Variants in MYH7 observed in about 807,000 individuals in gnomAD.
MYH7 encodes the protein myosin heavy chain 7, also known as myosin-7.
Under a neutral mutation model 225.4 loss-of-function variants are expected in MYH7, and 129 were observed. The ratio of observed to expected loss-of-function variants is 0.57; its 90% CI spans 0.50 to 0.66. MYH7 has a LOEUF of 0.66. MYH7 is among the 30% of genes least tolerant of loss of function. The pLI, the probability that MYH7 is intolerant of heterozygous loss-of-function variation, is 0.00. For synonymous variants in MYH7, 971 were observed against 1,007.6 expected, an observed-to-expected ratio of 0.96 and a Z score of 0.69; for missense variants, 1,649 against 2,517.0, an observed-to-expected ratio of 0.66 and a Z score of 7.38.
rs767360827 is a variant in MYH7, at chr14:23,426,125, C to T, written c.2045-44G>A. The T allele has an allele frequency of 2.5e-6, 4 of 1,607,376 alleles. No individual in the cohort carries two copies. In the Admixed American group the frequency reaches 6.7e-5, roughly 27 times the overall value. On this transcript the variant is annotated intron_variant, in intron 18 of 39. Coordinates refer to ENST00000355349, the MANE Select transcript of MYH7 (RefSeq NM_000257.4). ...AGGAGGAGTCTGTGAGAACACTGGA[C>T]TGAAGTTCTGGGTTCTGATCCTGGC...
rs747988097 is a variant in MYH7, at chr14:23,423,740, C to G, written c.2923-17G>C. The G allele has an allele frequency of 6.2e-7, 1 of 1,614,018 alleles. No homozygotes were observed. Among genetic ancestry groups the G allele is most frequent in the Non-Finnish European group, 8.5e-7 (1 of 1,180,028 alleles). On this transcript the variant is annotated splice_polypyrimidine_tract_variant and intron_variant, in intron 23 of 39. Coordinates refer to ENST00000355349, the MANE Select transcript of MYH7 (RefSeq NM_000257.4). ...GTTTTTCACCTGCCGACCAAGAATC[C>G]CATCTCCTTTAGGGTCAAAGGTCAC...
At chr14:23,430,853 C>A (rs377708111) in intron 10 of MYH7, 48 bp downstream of exon 10, 273 of 1,451,430 alleles carry the variant, frequency 1.9e-4, no homozygotes, top group Non-Finnish European at 2.5e-4. Flanking sequence ...GCAGAGGGGA[C>A]CAGGTTGCCA....
At chr14:23,431,378 G>A (rs1215094976) in intron 9 of MYH7, 40 bp downstream of exon 9, 4 of 1,596,268 alleles carry the variant, frequency 2.5e-6, no homozygotes, top group Non-Finnish European at 3.4e-6. Context: ...CTAGAGCAAG[G>A]GTGAGCTTAG....
chr14:23,419,348 C>T (rs1464454913), intron 28 of MYH7, 53 bp from the exon 29 acceptor site: 4 of 1,612,896 alleles, frequency 2.5e-6, no homozygotes, highest in Non-Finnish European at 3.4e-6. Flanking sequence ...ACCTCCTCCT[C>T]TAGCCCTCAG....
intron 9 of MYH7, 37 bp downstream of exon 9, chr14:23,431,381 G>A (rs1400217897): frequency 1.2e-6 from 2 of 1,601,692 alleles, no homozygotes; most frequent in South Asian, 2.2e-5. Flanking sequence ...GAGCAAGGGT[G>A]AGCTTAGGCT....
In MYH7 at chr14:23,415,336, G is replaced by A. The variant is rs369429415; in HGVS notation, c.5283+45C>T. The A allele has an allele frequency of 8.7e-6, 14 of 1,614,232 alleles. No individual in the cohort carries two copies. Among genetic ancestry groups the A allele is most frequent in the Admixed American group, 1.7e-5 (1 of 60,030 alleles). Reference sequence around the variant, plus strand: ...CTCACACACTTGCTGCCCAGCCCACGGAGAGACACTGGTCTGGATCGGGTC... The same window carrying A: ...CTCACACACTTGCTGCCCAGCCCACAGAGAGACACTGGTCTGGATCGGGTC... On this transcript the variant is annotated intron_variant, in intron 36 of 39. Transcript: ENST00000355349. The surrounding 1 kb of genome is among the most constrained non-coding windows in gnomAD (Gnocchi z 6.3).
intron 26 of MYH7, 106 bp downstream of exon 26, chr14:23,420,852 A>G (rs1892444304): frequency 3.5e-6 from 3 of 858,058 alleles, no homozygotes; most frequent in African/African-American, 1.6e-5. Flanking sequence ...CCATGGACAC[A>G]TAATCAGTTC....
chr14:23,430,047 C>T, intron 11 of MYH7, 134 bp from the exon 12 acceptor site: 1 of 1,054,060 alleles, frequency 9.5e-7, no homozygotes, highest in Admixed American at 2.0e-5. Context: ...CAGTGGGGAG[C>T]TCCAAAACAA....
Position 23,419,295 on chromosome 14 carries a change from C to T in MYH7, c.3854G>A (p.Gly1285Asp), listed in dbSNP as rs1432333290. ...SQRAKLQTEN[G>D]ELSRQLDEKE... ...CTCATCCAGCTGCCGGGACAGCTCA[C>T]CTGGGGAAGCACCATTCTAGATCAG... Residue 1285 changes from glycine to aspartate, a missense_variant and splice_region_variant, in exon 29 of 40, where the codon GGT becomes GAT. Gly to Asp is a moderately conservative substitution (Grantham distance 94). This residue lies in a region of MYH7 where 687 missense variants were observed against 913.8 expected (regional missense o/e 0.75). Coordinates refer to ENST00000355349, the MANE Select transcript of MYH7 (RefSeq NM_000257.4). 1.2e-6 allele frequency: 2 copies of T among 1,614,004 alleles called. No homozygotes were observed. Among genetic ancestry groups the T allele is most frequent in the Non-Finnish European group, 1.7e-6 (2 of 1,180,010 alleles).
chr14:23,429,212 T>C lies in MYH7; in HGVS notation c.1257+17A>G, dbSNP rs1555338358. 1 of 1,599,584 alleles carries C rather than the reference T, an allele frequency of 6.3e-7. No individual in the cohort carries two copies. Among genetic ancestry groups the C allele is most frequent in the Non-Finnish European group, 8.6e-7 (1 of 1,167,142 alleles). On this transcript the variant is annotated intron_variant, in intron 13 of 39. Transcript: ENST00000355349. ...TCCCTACCCTGCCCACCCATTATCA[T>C]CTGAAGATGGACCCACCTGCTGGAC...
chr14:23,423,944 G>T lies in MYH7; in HGVS notation c.2885C>A (p.Ala962Asp). 1 of 1,614,108 alleles carries T rather than the reference G, an allele frequency of 6.2e-7. No individual in the cohort carries two copies. Among genetic ancestry groups the T allele is most frequent in the African/African-American group, 1.3e-5 (1 of 75,028 alleles). ...TGCGTGTTTCTCCTTCTCCACTTTGGCCAGTGTCAGCTCCAGATCATCGAT... is the reference window on the plus strand; with the variant it reads ...TGCGTGTTTCTCCTTCTCCACTTTGTCCAGTGTCAGCTCCAGATCATCGAT... Reference protein sequence around the residue: ...RDIDDLELTLAKVEKEKHATE... With the variant: ...RDIDDLELTLDKVEKEKHATE... Residue 962 changes from alanine (A) to aspartate (D), a missense_variant, in exon 23 of 40, where the codon GCC becomes GAC. Transcript: ENST00000355349.
chr14:23,426,951 G>T, intron 17 of MYH7, 87 bp from the exon 18 acceptor site: 1 of 1,233,170 alleles, frequency 8.1e-7, no homozygotes, highest in Non-Finnish European at 1.2e-6. Flanking sequence ...AAGGAAAAGA[G>T]AGATGGAGAG....
rs1892623330 is a variant in MYH7 at position 23,424,751 on chromosome 14, G to T, written c.2679+18C>A. On this transcript the variant is annotated intron_variant, in intron 22 of 39. Coordinates refer to ENST00000355349, the MANE Select transcript of MYH7 (RefSeq NM_000257.4). ...GCAGAGCAGGGTGGAAGAGCCAACAGTAGCCCAGGAGCCTCACCGCCTGCA... is the reference window on the plus strand; with the variant it reads ...GCAGAGCAGGGTGGAAGAGCCAACATTAGCCCAGGAGCCTCACCGCCTGCA... 6.2e-7 allele frequency: 1 copy of T among 1,613,764 alleles called. No individual in the cohort carries two copies. The highest frequency in any genetic ancestry group is 8.5e-7 in the Non-Finnish European group (1 of 1,180,034).
At position 23,415,728 on chromosome 14, in the gene MYH7, C is replaced by T. The variant is rs1437264483; in HGVS notation, c.5058G>A (p.Glu1686=). 6.2e-7 allele frequency: 1 copy of T among 1,614,228 alleles called. No homozygotes were observed. Among genetic ancestry groups the T allele is most frequent in the Non-Finnish European group, 8.5e-7 (1 of 1,180,040 alleles). Residue 1686 remains glutamate (E), a synonymous_variant, in exon 35 of 40, where the codon GAG becomes GAA. Coordinates refer to ENST00000355349, the MANE Select transcript of MYH7 (RefSeq NM_000257.4). The surrounding 1 kb of genome is among the most constrained non-coding windows in gnomAD (Gnocchi z 6.3). ...TCTGCTCCACCACGGCACGCAACTC[C>T]TCCAGCTCAGCCTGCAGCAGGTTGT... ...RRNNLLQAEL[E]ELRAVVEQTE...
At position 23,432,787 on chromosome 14, in the gene MYH7, C is replaced by T. The variant is rs368925624; in HGVS notation, c.354G>A (p.Ser118=). The part of the protein sequence containing the change: ...RYGSWMIYTY[S]GLFCVTVNPY... The stretch of plus-strand genomic sequence containing the variant: ...GGTTGACGGTGACACAGAAGAGGCC[C>T]GAGTAGGTCTGGGGATAGAAAAGGA... The change falls in exon 5 of 40, where the codon TCG becomes TCA. Residue 118 remains serine, a synonymous_variant. Transcript: ENST00000355349. The T allele has an allele frequency of 1.9e-5, 30 of 1,614,060 alleles. No individual in the cohort carries two copies. The Middle Eastern group carries it at 5.0e-4, about 27-fold the overall frequency.
At position 23,413,506 on chromosome 14, in the gene MYH7, G is replaced by T. The variant is rs567227060; in HGVS notation, c.5790+253C>A. Among the ~76,000 whole-genome samples the T allele has an allele frequency of 5.3e-5, 8 of 151,678 alleles. 1 individual carries two copies. The East Asian group carries it at 1.5e-3, about 29-fold the overall frequency. ...CAGGAGAACCCAGGAGGCAGAGGTT[G>T]CAGTGAGCTGAGATTGTGCCACTGC... On this transcript the variant is annotated intron_variant, in intron 39 of 39. Coordinates refer to ENST00000355349, the MANE Select transcript of MYH7 (RefSeq NM_000257.4).
At chr14:23,426,976 C>T (rs1892717823) in intron 17 of MYH7, 112 bp from the exon 18 acceptor site, 1 of 1,078,720 alleles carries the variant, frequency 9.3e-7, no homozygotes, top group Non-Finnish European at 1.4e-6. Context: ...CGAGAAGTCA[C>T]AGAGATGAAG....
chr14:23,418,105 A>G, intron 30 of MYH7, 105 bp downstream of exon 30: 1 of 1,543,626 alleles, frequency 6.5e-7, no homozygotes, highest in Non-Finnish European at 9.0e-7. Flanking sequence ...TGTGTTGTCA[A>G]ACACTAGCTA....
rs727505294 is a variant in MYH7, at chr14:23,415,385, G to T, written c.5279C>A (p.Thr1760Lys). Reference sequence around the variant, plus strand: ...TCGGTGGAGTGGGGGACTTACATCCGTGATGGCCTTCTTGGCCTTCTCCTC... The same window carrying T: ...TCGGTGGAGTGGGGGACTTACATCCTTGATGGCCTTCTTGGCCTTCTCCTC... The part of the protein sequence containing the change: ...NAEEKAKKAI[T>K]DAAMMAEELK... Residue 1760 changes from threonine (T) to lysine (K), a missense_variant, in exon 36 of 40, where the codon ACG becomes AAG. Physicochemically the swap from Thr to Lys is moderately conservative, Grantham distance 78 (BLOSUM62 -1). Transcript: ENST00000355349. The surrounding 1 kb of genome is among the most constrained non-coding windows in gnomAD (Gnocchi z 6.3). The T allele has an allele frequency of 6.2e-7, 1 of 1,614,212 alleles. No individual in the cohort carries two copies.
Sources: gnomAD v4.1 joint callset for allele counts (sites outside exome capture counted in the v4.1 genomes callset) on GRCh38, gnomAD v4.1.1 for gene constraint, gnomAD v4.1.1 regional missense constraint, Gnocchi (gnomAD v3.1) non-coding constraint, MANE v1.5 for transcripts, NCBI Gene and HGNC (gene_info 2026-07-23, HGNC 2026-07-21) for gene names.